CAMTA1: variants seen among roughly 807,000 people sequenced by gnomAD.
CAMTA1 encodes calmodulin binding transcription activator 1.
CAMTA1 carries 27 observed loss-of-function variants against 170.9 expected under a neutral mutation model. The ratio of observed to expected loss-of-function variants is 0.16; its 90% CI spans 0.12 to 0.22. The LOEUF (loss-of-function observed/expected upper bound fraction) is 0.22. CAMTA1 is among the 10% of genes least tolerant of loss of function. The pLI is 1.00. For missense variants in CAMTA1, 1,619 were observed against 2,217.2 expected, an observed-to-expected ratio of 0.73 and a Z score of 5.42; for synonymous variants, 833 against 891.5, an observed-to-expected ratio of 0.93 and a Z score of 1.17.
At chr1:7,702,634 T>C (rs1040699124) in intron 11 of CAMTA1, among the ~76,000 whole-genome samples, 1 of 152,234 alleles carries the variant, frequency 6.6e-6, no homozygotes, top group Non-Finnish European at 1.5e-5. Context: ...GTTCTTGTTC[T>C]CAAGGAGATG....
In CAMTA1 at chr1:7,674,544, C is replaced by T. The variant is rs534167750; in HGVS notation, c.2780-3055C>T. Among the ~76,000 whole-genome samples, 5 of 152,206 alleles carry T rather than the reference C, an allele frequency of 3.3e-5. No homozygotes were observed. The highest frequency in any genetic ancestry group is 3.9e-4 in the East Asian group (2 of 5,182). On this transcript the variant is annotated intron_variant, in intron 10 of 22. Transcript: ENST00000303635. The surrounding 1 kb of genome is among the most constrained non-coding windows in gnomAD (Gnocchi z 4.1). ...CTGTAATCCTAGCATGTTGGGAGGC[C>T]GAGGCGGGCGGATCACTTGAAGTCA...
intron 3 of CAMTA1, among the ~76,000 whole-genome samples, chr1:6,966,289 G>A (rs1691533288): frequency 6.6e-6 from 1 of 152,068 alleles, no homozygotes; most frequent in Non-Finnish European, 1.5e-5. Context: ...GTCTATTTTA[G>A]GACATTTGTG....
At position 6,937,964 on chromosome 1, in the gene CAMTA1, G is replaced by A. The variant is rs764066293; in HGVS notation, c.234+112754G>A. Among the ~76,000 whole-genome samples, 88 of 152,218 alleles carry A rather than the reference G, an allele frequency of 5.8e-4. 1 individual carries two copies. The highest frequency in any genetic ancestry group is 1.2e-3 in the Non-Finnish European group (79 of 68,044). ...ACTTCTTATGTACCAGACCTTTGGA[G>A]AAATCCCTTAAATTGGTCATCTCCT... On this transcript the variant is annotated intron_variant, in intron 3 of 22. Coordinates refer to ENST00000303635, the MANE Select transcript of CAMTA1 (RefSeq NM_015215.4).
chr1:7,442,838 G>T (rs1290183539), intron 5 of CAMTA1, among the ~76,000 whole-genome samples: 2 of 152,144 alleles, frequency 1.3e-5, no homozygotes, highest in Non-Finnish European at 2.9e-5. Flanking sequence ...GGTATTTAGA[G>T]ATTGGCAAGG....
intron 6 of CAMTA1, among the ~76,000 whole-genome samples, chr1:7,626,719 C>T (rs2095636169): frequency 6.6e-6 from 1 of 152,152 alleles, no homozygotes; most frequent in African/African-American, 2.4e-5. Flanking sequence ...CTGTCTGCTG[C>T]GTGACGTTCA....
chr1:6,809,171 C>T (rs537153386), intron 1 of CAMTA1, among the ~76,000 whole-genome samples: 1 of 152,098 alleles, frequency 6.6e-6, no homozygotes, highest in South Asian at 2.1e-4. Context: ...GGATTACAGG[C>T]ACCCACCACC....
intron 5 of CAMTA1, among the ~76,000 whole-genome samples, chr1:7,449,726 T>C (rs529639703): frequency 2.2e-4 from 29 of 132,900 alleles, no homozygotes; most frequent in South Asian, 1.4e-3. Context: ...GCCGAAATAG[T>C]GCCACTACAC....
At chr1:7,049,132 C>T (rs1186412777) in intron 3 of CAMTA1, among the ~76,000 whole-genome samples, 1 of 152,212 alleles carries the variant, frequency 6.6e-6, no homozygotes, top group Non-Finnish European at 1.5e-5. Flanking sequence ...GCGAGCTCAG[C>T]TTGTTTCAAG....
chr1:7,498,438 TGA>T (rs1467683616), intron 6 of CAMTA1, among the ~76,000 whole-genome samples: 3 of 150,824 alleles, frequency 2.0e-5, no homozygotes, highest in South Asian at 2.1e-4. Flanking sequence ...TGCGTGTGTA[TGA>T]GTGTGTGTGA....
At chr1:7,494,514 C>T (rs1347794222) in intron 6 of CAMTA1, among the ~76,000 whole-genome samples, 1 of 152,020 alleles carries the variant, frequency 6.6e-6, no homozygotes, top group Non-Finnish European at 1.5e-5. Context: ...GGTCAAAGGA[C>T]CAAGAGGGGC....
intron 3 of CAMTA1, among the ~76,000 whole-genome samples, chr1:7,076,703 G>A (rs945815320): frequency 1.3e-5 from 2 of 152,142 alleles, no homozygotes; most frequent in African/African-American, 4.8e-5. Context: ...TGTGAGTGTT[G>A]GAGCCCAGTC....
intron 1 of CAMTA1, among the ~76,000 whole-genome samples, chr1:6,795,031 A>G (rs12059518): frequency 0.19 from 28,837 of 151,774 alleles, 2,814 homozygotes; most frequent in East Asian, 0.29. Context: ...GGTCATTTTC[A>G]GTGGAGGACT....
Position 7,670,255 on chromosome 1 carries a change from C to A in CAMTA1, c.2653-656C>A, listed in dbSNP as rs145076548. Among the ~76,000 whole-genome samples the A allele has an allele frequency of 6.6e-5, 10 of 152,332 alleles. No individual in the cohort carries two copies. The East Asian group carries it at 1.7e-3, about 26-fold the overall frequency. On this transcript the variant is annotated intron_variant, in intron 9 of 22. Transcript: ENST00000303635. The stretch of plus-strand genomic sequence containing the variant: ...GCAGATGCTCAGCCCCGTTCCACTC[C>A]CAGCCCCAAGCTCTGAGCCCCAAAC...
At chr1:7,662,109 C>T (rs1388435338) in intron 8 of CAMTA1, among the ~76,000 whole-genome samples, 1 of 152,238 alleles carries the variant, frequency 6.6e-6, no homozygotes, top group African/African-American at 2.4e-5. Flanking sequence ...AGAGGGACAG[C>T]TTCCTCCGTG....
chr1:7,559,638 GA>G (rs1308051356), intron 6 of CAMTA1, among the ~76,000 whole-genome samples: 1 of 152,160 alleles, frequency 6.6e-6, no homozygotes, highest in Non-Finnish European at 1.5e-5. Flanking sequence ...GAGGATTCCT[GA>G]GACATCAGGC....
At chr1:7,605,706 G>C (rs1159277425) in intron 6 of CAMTA1, among the ~76,000 whole-genome samples, 1 of 152,282 alleles carries the variant, frequency 6.6e-6, no homozygotes, top group Middle Eastern at 3.4e-3. Flanking sequence ...CCCACTTTCC[G>C]ACACTCCCTA....
chr1:7,337,469 G>C lies in CAMTA1; in HGVS notation c.438+87843G>C, dbSNP rs147534729. Among the ~76,000 whole-genome samples, 31 of 151,994 alleles carry C rather than the reference G, an allele frequency of 2.0e-4. No homozygotes were observed. The East Asian group carries it at 2.1e-3, about 11-fold the overall frequency. On this transcript the variant is annotated intron_variant, in intron 5 of 22. Transcript: ENST00000303635. ...CTTTGAGGGAAGTGGTTGACCCTCC[G>C]TAATGTGCATGGTGGGCCTCATCCA...
At chr1:7,035,039 T>C (rs1426816340) in intron 3 of CAMTA1, among the ~76,000 whole-genome samples, 1 of 152,198 alleles carries the variant, frequency 6.6e-6, no homozygotes, top group Non-Finnish European at 1.5e-5. Flanking sequence ...GCAGCAGAAG[T>C]GTTTTAAAAG....
At chr1:7,725,138 T>C (rs2096675664) in intron 11 of CAMTA1, among the ~76,000 whole-genome samples, 2 of 152,196 alleles carry the variant, frequency 1.3e-5, no homozygotes, top group African/African-American at 4.8e-5. Flanking sequence ...TCAGAATGAT[T>C]GAGTTTTTGT....
Sources: allele counts gnomAD v4.1 joint callset (sites outside exome capture counted in the v4.1 genomes callset), GRCh38; gene constraint gnomAD v4.1.1; non-coding constraint Gnocchi (gnomAD v3.1); transcripts MANE v1.5; gene names NCBI Gene and HGNC (gene_info 2026-07-23, HGNC 2026-07-21).